VPS39: variants seen among roughly 807,000 people sequenced by gnomAD.
VPS39 encodes vam6/Vps39-like protein.
VPS39 carries 70 observed loss-of-function variants against 121.0 expected under a neutral mutation model. That is an observed-to-expected ratio of 0.58 (90% CI 0.48 to 0.71). The LOEUF is 0.71. Among genes scored for constraint, VPS39 ranks in the 30% least tolerant of loss-of-function variants. The pLI is 0.00. For synonymous variants in VPS39, 378 were observed against 398.1 expected (o/e 0.95, Z 0.60); for missense variants, 818 against 1,051.5 (o/e 0.78, Z 3.07).
chr15:42,175,469 G>A (rs941377902), intron 10 of VPS39, among the ~76,000 whole-genome samples: 2 of 151,816 alleles, frequency 1.3e-5, no homozygotes, highest in Admixed American at 6.6e-5. Flanking sequence ...TGGCACGGTC[G>A]GGAAAGGTCC....
At chr15:42,173,392 A>G (rs1409482225) in intron 11 of VPS39, among the ~76,000 whole-genome samples, 12 of 152,220 alleles carry the variant, frequency 7.9e-5, no homozygotes, top group Admixed American at 7.2e-4. Context: ...TAATCCAAGG[A>G]CTTTGGTTCA....
rs773241669 is a variant in VPS39 at position 42,167,438 on chromosome 15, GCTT to G, written c.1330_1332del (p.Lys444del). 11 of 1,614,052 alleles carry G rather than the reference GCTT, an allele frequency of 6.8e-6. No homozygotes were observed. In the Admixed American group the frequency reaches 1.0e-4, roughly 15 times the overall value. On this transcript the variant is annotated inframe_deletion, in exon 13 of 25. Transcript: ENST00000318006. ...AGGGTGGTGTCGATGATTTGTAGCA[GCTT>G]CTTCTTGGATTTGATGGTGGGAGTG...
At chr15:42,174,879 C>G (rs2049417163) in intron 10 of VPS39, among the ~76,000 whole-genome samples, 1 of 152,094 alleles carries the variant, frequency 6.6e-6, no homozygotes, top group African/African-American at 2.4e-5. Flanking sequence ...GAGGCCAAGG[C>G]AGGAGAACTG....
chr15:42,166,757 G>A lies in VPS39; in HGVS notation c.1519+15C>T, dbSNP rs774421572. 3 of 1,613,480 alleles carry A rather than the reference G, an allele frequency of 1.9e-6. No individual in the cohort carries two copies. The highest frequency in any genetic ancestry group is 2.5e-6 in the Non-Finnish European group (3 of 1,179,480). On this transcript the variant is annotated intron_variant, in intron 14 of 24. Transcript: ENST00000318006. ...TACAAGAGCCCCTCCCAGATCCAAG[G>A]AACCACTCCCACACCTTTCTCGTGG... is the stretch of plus-strand genomic sequence containing the variant.
chr15:42,192,423 A>G (rs932118160), intron 2 of VPS39, among the ~76,000 whole-genome samples: 3 of 152,134 alleles, frequency 2.0e-5, no homozygotes, highest in Non-Finnish European at 4.4e-5. Flanking sequence ...ACCCAGGCTG[A>G]CTCTAAAGCC....
chr15:42,163,621 C>T lies in VPS39; in HGVS notation c.2129+5G>A. On this transcript the variant is annotated splice_donor_5th_base_variant and intron_variant, in intron 20 of 24. Transcript: ENST00000318006. ...TTAGGAGGTGGGATGTTGGGGCAAA[C>T]TTACTCCTCAGCCATCCTTGTATCC... 6.2e-7 allele frequency: 1 copy of T among 1,611,982 alleles called. No homozygotes were observed. The highest frequency in any genetic ancestry group is 8.5e-7 in the Non-Finnish European group (1 of 1,178,952).
chr15:42,166,307 T>A (rs935292374), intron 15 of VPS39, 75 bp from the exon 16 acceptor site: 2 of 1,464,410 alleles, frequency 1.4e-6, no homozygotes, highest in South Asian at 2.3e-5. Context: ...GGTGGGCAGG[T>A]TGCCCCAGAA....
At chr15:42,179,622 TAAAA>T (rs762150888) in intron 8 of VPS39, among the ~76,000 whole-genome samples, 26 of 117,594 alleles carry the variant, frequency 2.2e-4, no homozygotes, top group Non-Finnish European at 4.3e-4. Flanking sequence ...AATAAATAAA[TAAAA>T]TAAAAAATAA....
intron 3 of VPS39, 108 bp downstream of exon 3, chr15:42,191,388 G>A: frequency 8.2e-7 from 1 of 1,219,976 alleles, no homozygotes; most frequent in South Asian, 1.4e-5. Flanking sequence ...TAAATAGAAG[G>A]TCAAAGAGAA....
chr15:42,175,466 G>GTGGC (rs2049433702), intron 10 of VPS39, among the ~76,000 whole-genome samples: 1 of 151,966 alleles, frequency 6.6e-6, no homozygotes, highest in Non-Finnish European at 1.5e-5. Context: ...AGCTGGCACG[G>GTGGC]TCGGGAAAGG....
At chr15:42,172,629 G>A (rs995230961) in intron 11 of VPS39, among the ~76,000 whole-genome samples, 7 of 152,200 alleles carry the variant, frequency 4.6e-5, no homozygotes, top group East Asian at 3.8e-4. Flanking sequence ...CAGTGGCAAC[G>A]GCTAAGAAGG....
At chr15:42,162,756 A>G in intron 21 of VPS39, 1 of 321,470 alleles carries the variant, frequency 3.1e-6, no homozygotes, top group East Asian at 5.4e-5. Flanking sequence ...AAAACAATTC[A>G]AAAAGATTCC....
intron 5 of VPS39, among the ~76,000 whole-genome samples, chr15:42,188,562 C>T (rs2049753078): frequency 6.6e-6 from 1 of 152,142 alleles, no homozygotes; most frequent in African/African-American, 2.4e-5. Flanking sequence ...TTTTTGTCCT[C>T]GGTTAGCTGC....
At chr15:42,170,741 A>ACTTT (rs2049331195) in intron 11 of VPS39, among the ~76,000 whole-genome samples, 1 of 50,472 alleles carries the variant, frequency 2.0e-5, no homozygotes, top group Non-Finnish European at 3.5e-5. Context: ...ATGCTCGCAG[A>ACTTT]TTTTTTTTTT....
chr15:42,168,539 T>A (rs1380203920), intron 12 of VPS39, among the ~76,000 whole-genome samples: 1 of 149,962 alleles, frequency 6.7e-6, no homozygotes, highest in Non-Finnish European at 1.5e-5. Flanking sequence ...CAGCAATACT[T>A]CTTCTTTTTT....
chr15:42,163,366 T>A lies in VPS39; in HGVS notation c.2159A>T (p.Lys720Ile). 1 of 1,614,160 alleles carries A rather than the reference T, an allele frequency of 6.2e-7. No homozygotes were observed. Among genetic ancestry groups the A allele is most frequent in the Admixed American group, 1.7e-5 (1 of 60,022 alleles). ...EYCHKHYDRN[K>I]DGNKDVYLSL... ...ACTACTCACATCTTTGTTGCCATCT[T>A]TGTTTCGGTCATAGTGTTTGTGGCA... Residue 720 changes from lysine (K) to isoleucine (I), a missense_variant, in exon 21 of 25, where the codon AAA becomes ATA. Coordinates refer to ENST00000318006, the MANE Select transcript of VPS39 (RefSeq NM_015289.5).
intron 2 of VPS39, among the ~76,000 whole-genome samples, chr15:42,198,289 A>G (rs991454459): frequency 6.6e-6 from 1 of 152,236 alleles, no homozygotes; most frequent in Non-Finnish European, 1.5e-5. Flanking sequence ...TTAAAATGTG[A>G]GCTTAATTTT....
intron 2 of VPS39, 93 bp downstream of exon 2, chr15:42,199,803 C>A: frequency 1.4e-6 from 2 of 1,380,942 alleles, no homozygotes; most frequent in East Asian, 5.0e-5. Flanking sequence ...AACCTTCAAT[C>A]TCTCTTTTAA....
intron 20 of VPS39, 78 bp from the exon 21 acceptor site, chr15:42,163,473 C>G: frequency 1.3e-6 from 2 of 1,592,660 alleles, no homozygotes; most frequent in South Asian, 1.1e-5. Context: ...GCAGCCTGCT[C>G]GAGCAGCCTA....
Sources: allele counts gnomAD v4.1 joint callset (sites outside exome capture counted in the v4.1 genomes callset), GRCh38; gene constraint gnomAD v4.1.1; transcripts MANE v1.5; gene names NCBI Gene and HGNC (gene_info 2026-07-23, HGNC 2026-07-21).